The following ITGB5 variants were observed in gnomAD, a reference collection of about 807,000 sequenced individuals.
ITGB5 encodes the protein integrin beta-5.
A neutral mutation model predicts 84.8 loss-of-function variants in ITGB5; 38 were observed. The ratio of observed to expected loss-of-function variants is 0.45; its 90% CI spans 0.35 to 0.59. ITGB5 has a LOEUF of 0.59. Among genes scored for constraint, ITGB5 ranks in the 20% least tolerant of loss-of-function variants. The pLI is 0.01. For synonymous variants in ITGB5, 393 were observed against 414.4 expected (o/e 0.95, Z 0.63); for missense variants, 905 against 1,034.5 (o/e 0.87, Z 1.72).
intron 10 of ITGB5, chr3:124,787,540 C>T (rs2064098898): frequency 1.3e-5 from 2 of 152,270 alleles, no homozygotes. Flanking sequence ...AAGACTGAAA[C>T]TCCAGCTGTA....
chr3:124,816,509 G>A (rs968824300), intron 8 of ITGB5, among the ~76,000 whole-genome samples: 5 of 152,212 alleles, frequency 3.3e-5, no homozygotes, highest in Non-Finnish European at 7.3e-5. Context: ...ACAGGAAGAT[G>A]CACTCTGAAT....
intron 10 of ITGB5, among the ~76,000 whole-genome samples, chr3:124,778,839 G>A (rs2063961733): frequency 1.3e-5 from 2 of 152,162 alleles, no homozygotes; most frequent in South Asian, 2.1e-4. Flanking sequence ...GGCTGAGGGC[G>A]AGGGTGTGGC....
Position 124,858,729 on chromosome 3 carries a change from C to G in ITGB5, c.361+513G>C, listed in dbSNP as rs143891563. Reference sequence around the variant, plus strand: ...AAAGTAGAGTAGGCAGCCACTACACCCTGAATGACTGTAATTTCTGCCATC... The same window carrying G: ...AAAGTAGAGTAGGCAGCCACTACACGCTGAATGACTGTAATTTCTGCCATC... On this transcript the variant is annotated intron_variant, in intron 3 of 14. Transcript: ENST00000296181. Among the ~76,000 whole-genome samples, 330 of 152,156 alleles carry G rather than the reference C, an allele frequency of 2.2e-3. 3 individuals carry two copies. The highest frequency in any genetic ancestry group is 7.7e-3 in the African/African-American group (321 of 41,490).
intron 2 of ITGB5, among the ~76,000 whole-genome samples, chr3:124,866,128 T>G (rs1214350594): frequency 6.6e-6 from 1 of 152,138 alleles, no homozygotes; most frequent in Non-Finnish European, 1.5e-5. Context: ...CCCGAATAGC[T>G]GGGACTGCTA....
intron 5 of ITGB5, among the ~76,000 whole-genome samples, chr3:124,822,161 T>G (rs1429501881): frequency 6.6e-6 from 1 of 152,206 alleles, no homozygotes; most frequent in Non-Finnish European, 1.5e-5. Context: ...ACAGTCTGTA[T>G]TGGAAAGGAA....
At chr3:124,805,637 G>A (rs2107531350) in intron 9 of ITGB5, among the ~76,000 whole-genome samples, 1 of 152,166 alleles carries the variant, frequency 6.6e-6, no homozygotes, top group East Asian at 1.9e-4. Context: ...TTTCTGTAGA[G>A]ATGGGGGTCT....
chr3:124,898,638 C>T (rs1342553999), intron 1 of ITGB5, among the ~76,000 whole-genome samples: 1 of 54,912 alleles, frequency 1.8e-5, no homozygotes, highest in Non-Finnish European at 3.7e-5. Flanking sequence ...AGCGAGACTC[C>T]GTCTCAAAAA....
chr3:124,839,161 C>T (rs922449155), intron 5 of ITGB5, among the ~76,000 whole-genome samples: 3 of 152,238 alleles, frequency 2.0e-5, no homozygotes, highest in Admixed American at 6.5e-5. Context: ...CAATCATTAA[C>T]TTTCCAGGTA....
intron 2 of ITGB5, among the ~76,000 whole-genome samples, chr3:124,864,501 T>C (rs191031313): frequency 6.6e-6 from 1 of 152,056 alleles, no homozygotes; most frequent in East Asian, 1.9e-4. Context: ...TTTAAGAAAA[T>C]CCTCCTTCCT....
intron 4 of ITGB5, among the ~76,000 whole-genome samples, chr3:124,846,094 T>A (rs1158211425): frequency 6.6e-6 from 1 of 152,178 alleles, no homozygotes; most frequent in East Asian, 1.9e-4. Flanking sequence ...TTTCCACCAG[T>A]GTCAGTTCCC....
intron 12 of ITGB5, among the ~76,000 whole-genome samples, 158 bp from the exon 13 acceptor site, chr3:124,766,503 G>A (rs1173596538): frequency 6.6e-6 from 1 of 152,186 alleles, no homozygotes; most frequent in Non-Finnish European, 1.5e-5. Flanking sequence ...GATGAGTTCA[G>A]TTTTCTCACA....
intron 10 of ITGB5, among the ~76,000 whole-genome samples, chr3:124,778,790 A>T (rs772467600): frequency 3.0e-4 from 46 of 152,220 alleles, no homozygotes; most frequent in Non-Finnish European, 4.4e-4. Flanking sequence ...AACTCTGAAG[A>T]GATCACAGTA....
upstream of ITGB5, among the ~76,000 whole-genome samples, chr3:124,890,958 A>T (rs1201662794): frequency 6.6e-6 from 1 of 151,786 alleles, no homozygotes; most frequent in Non-Finnish European, 1.5e-5. Context: ...GTATGCACTG[A>T]TTGCTCACCT....
chr3:124,880,998 G>T (rs983754786), intron 1 of ITGB5, among the ~76,000 whole-genome samples: 1 of 148,066 alleles, frequency 6.8e-6, no homozygotes, highest in African/African-American at 2.6e-5. Flanking sequence ...TTGTTTGTTT[G>T]TTTGTTTGAG....
chr3:124,874,717 T>C (rs1474865895), intron 1 of ITGB5, among the ~76,000 whole-genome samples: 1 of 152,332 alleles, frequency 6.6e-6, no homozygotes, highest in South Asian at 2.1e-4. Context: ...TACAGTGAAC[T>C]GATCTTCAAC....
At chr3:124,887,920 CT>C (rs747964036), upstream of ITGB5, 12,963 of 195,814 alleles carry the variant, frequency 0.066, 1 homozygote, top group South Asian at 0.17. Context: ...TTTTTCTTTT[CT>C]TTTTTTTTTT....
intron 9 of ITGB5, among the ~76,000 whole-genome samples, chr3:124,803,056 C>T (rs1161365607): frequency 6.6e-6 from 1 of 152,226 alleles, no homozygotes; most frequent in African/African-American, 2.4e-5. Context: ...AAGTTCCCCT[C>T]CTCTTTAGTG....
chr3:124,889,276 G>A (rs1490951238), upstream of ITGB5, among the ~76,000 whole-genome samples: 2 of 152,218 alleles, frequency 1.3e-5, no homozygotes, highest in Non-Finnish European at 2.9e-5. Flanking sequence ...AGACTAAATT[G>A]TGTATTCAGT....
upstream of ITGB5, among the ~76,000 whole-genome samples, chr3:124,889,305 C>G (rs942646520): frequency 6.6e-6 from 1 of 152,154 alleles, no homozygotes; most frequent in Non-Finnish European, 1.5e-5. Flanking sequence ...GATCAAGGAC[C>G]CAAAAGAATG....
Sources: gnomAD v4.1 joint callset for allele counts (sites outside exome capture counted in the v4.1 genomes callset) on GRCh38, gnomAD v4.1.1 for gene constraint, MANE v1.5 for transcripts, NCBI Gene and HGNC (gene_info 2026-07-23, HGNC 2026-07-21) for gene names.